ARHGAP21: variants seen among roughly 807,000 people sequenced by gnomAD.
ARHGAP21 encodes the protein Rho GTPase activating protein 21.
ARHGAP21 carries 38 observed loss-of-function variants against 164.6 expected under a neutral mutation model. The ratio of observed to expected loss-of-function variants is 0.23; its 90% CI spans 0.18 to 0.30. The LOEUF is 0.30. Among genes scored for constraint, ARHGAP21 ranks in the 10% least tolerant of loss-of-function variants. The probability of loss-of-function intolerance (pLI) is 1.00; values close to 1 mark genes in which losing one functional copy is unlikely to be tolerated. For synonymous variants in ARHGAP21, 766 were observed against 857.9 expected (o/e 0.89, Z 1.87); for missense variants, 1,822 against 2,370.7 (o/e 0.77, Z 4.81).
At chr10:24,638,420 C>G (rs1593122674) in intron 4 of ARHGAP21, among the ~76,000 whole-genome samples, 2 of 152,190 alleles carry the variant, frequency 1.3e-5, no homozygotes, top group South Asian at 2.1e-4. Flanking sequence ...AACTGGAAAT[C>G]AGAAGTATCA....
At position 24,597,676 on chromosome 10, in the gene ARHGAP21, T is replaced by G. The variant is rs1028037014; in HGVS notation, c.3198-93A>C. On this transcript the variant is annotated intron_variant, in intron 15 of 25. Coordinates refer to ENST00000396432, the MANE Select transcript of ARHGAP21 (RefSeq NM_020824.4). ...GTGGTGAGCCATGGTCTGAAAATAT[T>G]AACTGGAAAATTCTTGGAATAAACA... The G allele has an allele frequency of 4.0e-6, 6 of 1,516,792 alleles. No individual in the cohort carries two copies. In the African/African-American group the frequency reaches 8.4e-5, roughly 21 times the overall value. 94.0% of individuals were successfully genotyped at this position (1,516,792 alleles called of 1,614,324 possible).
intron 6 of ARHGAP21, among the ~76,000 whole-genome samples, chr10:24,631,885 C>T (rs546252198): frequency 4.6e-5 from 7 of 152,100 alleles, no homozygotes; most frequent in Admixed American, 3.9e-4. Flanking sequence ...CACACCAGCA[C>T]GCCCAGCTAA....
chr10:24,696,547 C>T (rs1450640146), intron 2 of ARHGAP21, among the ~76,000 whole-genome samples: 2 of 152,042 alleles, frequency 1.3e-5, no homozygotes, highest in Admixed American at 6.6e-5. Context: ...AATGTTAACT[C>T]GAGGCAGTAA....
chr10:24,597,659 C>A, intron 15 of ARHGAP21, 76 bp from the exon 16 acceptor site: 3 of 1,559,920 alleles, frequency 1.9e-6, no homozygotes, highest in Non-Finnish European at 2.6e-6. Context: ...CCGTGGTGAG[C>A]CATGGTCTGA....
chr10:24,602,967 G>C (rs1018776029), intron 12 of ARHGAP21, among the ~76,000 whole-genome samples: 14 of 152,110 alleles, frequency 9.2e-5, no homozygotes, highest in Non-Finnish European at 1.0e-4. Context: ...GGAAAACTAA[G>C]GGATAAGGAA....
rs1230121724 is a variant in ARHGAP21, at chr10:24,619,462, A to T, written c.2422+11T>A. The T allele has an allele frequency of 1.9e-6, 3 of 1,609,110 alleles. No individual in the cohort carries two copies. Among genetic ancestry groups the T allele is most frequent in the Admixed American group, 1.7e-5 (1 of 59,050 alleles). ...TTTGGCATATTAGCCAATGACTCTA[A>T]ATGAGCTCACCTATAAATGGGATGG... is the stretch of plus-strand genomic sequence containing the variant. On this transcript the variant is annotated intron_variant, in intron 9 of 25. Coordinates refer to ENST00000396432, the MANE Select transcript of ARHGAP21 (RefSeq NM_020824.4).
intron 2 of ARHGAP21, among the ~76,000 whole-genome samples, chr10:24,685,918 A>G (rs1454121086): frequency 6.6e-6 from 1 of 152,200 alleles, no homozygotes; most frequent in Non-Finnish European, 1.5e-5. Context: ...TTAAGCTAAA[A>G]CAAATCAAGA....
intron 12 of ARHGAP21, among the ~76,000 whole-genome samples, chr10:24,603,796 G>A (rs934177868): frequency 8.5e-5 from 13 of 152,060 alleles, no homozygotes; most frequent in Admixed American, 7.2e-4. Context: ...TCAGGAGTTC[G>A]AGACCAGCCT....
intron 9 of ARHGAP21, among the ~76,000 whole-genome samples, chr10:24,609,484 G>A (rs1398535215): frequency 1.3e-5 from 2 of 152,094 alleles, no homozygotes; most frequent in Non-Finnish European, 2.9e-5. Context: ...CTAACATTGG[G>A]CTTACTCATT....
chr10:24,586,489 A>T (rs1321226615), intron 25 of ARHGAP21, among the ~76,000 whole-genome samples: 1 of 152,202 alleles, frequency 6.6e-6, no homozygotes, highest in Non-Finnish European at 1.5e-5. Flanking sequence ...AGGTAAAACA[A>T]TATTGTGACA....
intron 2 of ARHGAP21, among the ~76,000 whole-genome samples, chr10:24,717,568 G>C (rs1166853450): frequency 6.6e-6 from 1 of 152,108 alleles, no homozygotes; most frequent in Admixed American, 6.6e-5. Flanking sequence ...TGGAGCAGAG[G>C]GAGGAGGAAC....
intron 2 of ARHGAP21, among the ~76,000 whole-genome samples, chr10:24,720,575 T>C (rs903332033): frequency 1.3e-5 from 2 of 152,212 alleles, no homozygotes; most frequent in African/African-American, 4.8e-5. Context: ...AATTGTACAG[T>C]AATAGCACAC....
intron 2 of ARHGAP21, among the ~76,000 whole-genome samples, chr10:24,673,318 G>A (rs997276291): frequency 1.3e-5 from 2 of 152,138 alleles, no homozygotes; most frequent in African/African-American, 4.8e-5. Flanking sequence ...GTACAGTATT[G>A]GCATCAAGAA....
intron 9 of ARHGAP21, among the ~76,000 whole-genome samples, chr10:24,617,292 T>C (rs916587026): frequency 6.6e-6 from 1 of 152,210 alleles, no homozygotes; most frequent in African/African-American, 2.4e-5. Context: ...AGCACATTTT[T>C]TTACTACTCC....
chr10:24,698,452 G>T (rs1263344626), intron 2 of ARHGAP21, among the ~76,000 whole-genome samples: 1 of 152,158 alleles, frequency 6.6e-6, no homozygotes, highest in Non-Finnish European at 1.5e-5. Context: ...GGAGGAGGTA[G>T]TATTTTTAAG....
rs12573109 is a variant in ARHGAP21 at position 24,693,929 on chromosome 10, A to C, written c.64-23532T>G. 1.5e-3 allele frequency among the ~76,000 whole-genome samples: 231 copies of C among 152,248 alleles called. 5 individuals are homozygous for C. In the East Asian group the frequency reaches 0.038, roughly 25 times the overall value. On this transcript the variant is annotated intron_variant, in intron 2 of 25. Transcript: ENST00000396432. ...ATTTAGTATCTCTCTCCTCCACTAG[A>C]CTATAATCTTCAGGAACACAGACAT...
chr10:24,693,499 C>A (rs189036797), intron 2 of ARHGAP21, among the ~76,000 whole-genome samples: 1 of 151,924 alleles, frequency 6.6e-6, no homozygotes, highest in Non-Finnish European at 1.5e-5. Flanking sequence ...TACAGGCGCT[C>A]GCCACCACGC....
chr10:24,637,766 G>T (rs767628500), intron 4 of ARHGAP21, among the ~76,000 whole-genome samples: 2 of 152,016 alleles, frequency 1.3e-5, no homozygotes, highest in Non-Finnish European at 2.9e-5. Flanking sequence ...AATACACTAT[G>T]CCTGAAAACA....
chr10:24,666,944 A>T (rs780953955), intron 4 of ARHGAP21, 41 bp downstream of exon 4: 1 of 1,384,122 alleles, frequency 7.2e-7, no homozygotes, highest in Non-Finnish European at 9.9e-7. Flanking sequence ...AGAAATGGGT[A>T]GAAAAACATT....
Sources: gnomAD v4.1 joint callset for allele counts (sites outside exome capture counted in the v4.1 genomes callset) on GRCh38, gnomAD v4.1.1 for gene constraint, MANE v1.5 for transcripts, NCBI Gene and HGNC (gene_info 2026-07-23, HGNC 2026-07-21) for gene names.